Variants in MAP3K4 observed in about 807,000 individuals in gnomAD.
MAP3K4 encodes MAP three kinase 1.
Under a neutral mutation model 185.6 loss-of-function variants are expected in MAP3K4, and 67 were observed. The ratio of observed to expected loss-of-function variants is 0.36; its 90% CI spans 0.30 to 0.44. The LOEUF (loss-of-function observed/expected upper bound fraction) is 0.44. Among genes scored for constraint, MAP3K4 ranks in the 20% least tolerant of loss-of-function variants. The pLI, the probability that MAP3K4 is intolerant of heterozygous loss-of-function variation, is 1.00. For synonymous variants in MAP3K4, 702 were observed against 710.4 expected (o/e 0.99, Z 0.19); for missense variants, 1,551 against 1,995.1 (o/e 0.78, Z 4.24).
chr6:161,026,193 C>G (rs13206391), intron 1 of MAP3K4, among the ~76,000 whole-genome samples: 20 of 151,942 alleles, frequency 1.3e-4, no homozygotes, highest in African/African-American at 4.8e-4. Flanking sequence ...TGCAGTGGCG[C>G]GATCTCGGCT....
chr6:161,098,535 T>A lies in MAP3K4; in HGVS notation c.3674+108T>A. ...CGGCTGTGGTTGGGCTTCTTTGCTG[T>A]GGCGTGTGAGTGATGCTCTAGGGCC... On this transcript the variant is annotated intron_variant, in intron 17 of 26. Coordinates refer to ENST00000392142, the MANE Select transcript of MAP3K4 (RefSeq NM_005922.4). This position sits in a 1 kb window ranked among gnomAD's most constrained non-coding sequence, Gnocchi z 4.4. 7.3e-7 allele frequency: 1 copy of A among 1,378,500 alleles called. No homozygotes were observed. Among genetic ancestry groups the A allele is most frequent in the Non-Finnish European group, 9.8e-7 (1 of 1,025,182 alleles). The allele number at this position is 1,378,500 out of a possible 1,614,324, so 85.4% of individuals were successfully genotyped here. A position where few individuals can be genotyped will look rare whatever the true frequency, so the allele number is the denominator to read the frequency against.
intron 19 of MAP3K4, among the ~76,000 whole-genome samples, chr6:161,104,875 T>C (rs1777997295): frequency 6.6e-6 from 1 of 152,196 alleles, no homozygotes; most frequent in Admixed American, 6.5e-5. Flanking sequence ...ATCCGTATTT[T>C]AAATAAATGA....
At position 161,008,858 on chromosome 6, in the gene MAP3K4, G is replaced by T. The variant is rs1037494384; in HGVS notation, c.152+16775G>T. ...ATCTATGTTGTTTTGGTTGATGGTG[G>T]TTCTTTCATTCTTGCTACTGTAAAA... On this transcript the variant is annotated intron_variant, in intron 1 of 26. Transcript: ENST00000392142. The surrounding 1 kb of genome is among the most constrained non-coding windows in gnomAD (Gnocchi z 4.1). Among the ~76,000 whole-genome samples, 2 of 151,938 alleles carry T rather than the reference G, an allele frequency of 1.3e-5. No homozygotes were observed. The highest frequency in any genetic ancestry group is 2.9e-5 in the Non-Finnish European group (2 of 68,004).
At position 161,070,681 on chromosome 6, in the gene MAP3K4, A is replaced by G. The variant is rs763889174; in HGVS notation, c.1781A>G (p.Glu594Gly). 2 of 1,614,098 alleles carry G rather than the reference A, an allele frequency of 1.2e-6. No individual in the cohort carries two copies. Among genetic ancestry groups the G allele is most frequent in the Non-Finnish European group, 1.7e-6 (2 of 1,180,014 alleles). The change falls in exon 4 of 27, where the codon GAG (glutamate) becomes GGG (glycine). Residue 594 changes from glutamate to glycine, a missense_variant. This residue lies in a region of MAP3K4 where 86 missense variants were observed against 81.6 expected (regional missense o/e 1.05). Coordinates refer to ENST00000392142, the MANE Select transcript of MAP3K4 (RefSeq NM_005922.4). This position sits in a 1 kb window ranked among gnomAD's most constrained non-coding sequence, Gnocchi z 4.5. ...TCAAGGACACCACCTTCATCTGAGGAGAAATGCAGTGCTGTGTCGTGGGAG... is the reference window on the plus strand; with the variant it reads ...TCAAGGACACCACCTTCATCTGAGGGGAAATGCAGTGCTGTGTCGTGGGAG... The part of the protein sequence containing the change: ...QLSRTPPSSE[E>G]KCSAVSWEEL...
chr6:161,021,763 C>G (rs896076354), intron 1 of MAP3K4, among the ~76,000 whole-genome samples: 2 of 152,196 alleles, frequency 1.3e-5, no homozygotes, highest in African/African-American at 4.8e-5. Flanking sequence ...CTACTCCTAG[C>G]ACACCTCTTG....
rs1290424993 is a variant in MAP3K4, at chr6:161,008,896, C to G, written c.152+16813C>G. 6.6e-6 allele frequency among the ~76,000 whole-genome samples: 1 copy of G among 151,778 alleles called. No homozygotes were observed. Among genetic ancestry groups the G allele is most frequent in the African/African-American group, 2.4e-5 (1 of 41,290 alleles). On this transcript the variant is annotated intron_variant, in intron 1 of 26. Coordinates refer to ENST00000392142, the MANE Select transcript of MAP3K4 (RefSeq NM_005922.4). This position sits in a 1 kb window ranked among gnomAD's most constrained non-coding sequence, Gnocchi z 4.1. The stretch of plus-strand genomic sequence containing the variant: ...TGCTACTGTAAAATACTTGTTACTG[C>G]AAAATGTGTAACATTTTGCTCAATG...
chr6:161,024,085 C>T (rs981942433), intron 1 of MAP3K4, among the ~76,000 whole-genome samples: 4 of 152,086 alleles, frequency 2.6e-5, no homozygotes, highest in Admixed American at 2.0e-4. Flanking sequence ...TCTTGCTTCA[C>T]CCTCCTGAGT....
Position 161,108,639 on chromosome 6 carries a change from T to C in MAP3K4, c.4120-104T>C, listed in dbSNP as rs1778212947. ...TTTGTTGTTTTTAATTGACAAATCATGATTACATATATTTATGGGGTGCAA... is the reference window on the plus strand; with the variant it reads ...TTTGTTGTTTTTAATTGACAAATCACGATTACATATATTTATGGGGTGCAA... On this transcript the variant is annotated intron_variant, in intron 21 of 26. Transcript: ENST00000392142. The surrounding 1 kb of genome is among the most constrained non-coding windows in gnomAD (Gnocchi z 5.7). The C allele has an allele frequency of 4.1e-6, 3 of 725,676 alleles. No individual in the cohort carries two copies. The South Asian group carries it at 5.1e-5, about 12-fold the overall frequency. 45.0% of individuals were successfully genotyped at this position (725,676 alleles called of 1,614,324 possible).
At chr6:161,027,485 G>A (rs984271796) in intron 1 of MAP3K4, among the ~76,000 whole-genome samples, 1 of 152,146 alleles carries the variant, frequency 6.6e-6, no homozygotes, top group Non-Finnish European at 1.5e-5. Context: ...GAAAGCTTAG[G>A]AAGAAAAATC....
At position 161,080,644 on chromosome 6, in the gene MAP3K4, G is replaced by A. The variant is rs1346766571; in HGVS notation, c.2098-237G>A. ...TGAACATTTTTGTTGTTAGGATTTT[G>A]AAGGGGTTGTCAATAATATGTTAAA... On this transcript the variant is annotated intron_variant, in intron 5 of 26. Transcript: ENST00000392142. The surrounding 1 kb of genome is among the most constrained non-coding windows in gnomAD (Gnocchi z 4.8). 2.2e-6 allele frequency: 1 copy of A among 450,616 alleles called. No homozygotes were observed. Among genetic ancestry groups the A allele is most frequent in the African/African-American group, 2.0e-5 (1 of 49,792 alleles). The allele number at this position is 450,616 out of a possible 1,614,324, so 27.9% of individuals were successfully genotyped here.
rs1367824310 is a variant in MAP3K4 at position 161,087,946 on chromosome 6, A to G, written c.2815A>G (p.Ser939Gly). 6.2e-7 allele frequency: 1 copy of G among 1,612,654 alleles called. No homozygotes were observed. Among genetic ancestry groups the G allele is most frequent in the Non-Finnish European group, 8.5e-7 (1 of 1,179,614 alleles). The stretch of plus-strand genomic sequence containing the variant: ...GGTGGAGACTGTTGACACCCTGAGA[A>G]GCATGCAGGTACAGCTCATCTCCAT... ...PQVETVDTLR[S>G]MQVDNLLLVV... is the part of the protein sequence containing the mutation. The change falls in exon 10 of 27, where the codon AGC becomes GGC. Residue 939 changes from serine to glycine, a missense_variant. Physicochemically the swap from Ser to Gly is moderately conservative, Grantham distance 56. Around this residue, in one of 16 missense-constraint regions of MAP3K4, gnomAD observed 261 missense variants for 306.5 expected, o/e 0.85. Coordinates refer to ENST00000392142, the MANE Select transcript of MAP3K4 (RefSeq NM_005922.4). The surrounding 1 kb of genome is among the most constrained non-coding windows in gnomAD (Gnocchi z 4.9).
chr6:161,000,541 A>G (rs1215689510), intron 1 of MAP3K4, among the ~76,000 whole-genome samples: 4 of 152,216 alleles, frequency 2.6e-5, no homozygotes, highest in African/African-American at 4.8e-5. Flanking sequence ...TTTAAAATCT[A>G]GGATTAATTT....
rs575741804 is a variant in MAP3K4 at position 161,048,348 on chromosome 6, A to T, written c.344-268A>T. ...TTGATAACTATGCTTTGTAGCATAG[A>T]GAGAAATAAACAGCTAGTTTAGGTA... is the stretch of plus-strand genomic sequence containing the variant. On this transcript the variant is annotated intron_variant, in intron 2 of 26. Transcript: ENST00000392142. The surrounding 1 kb of genome is among the most constrained non-coding windows in gnomAD (Gnocchi z 4.7). 7.6e-4 allele frequency: 482 copies of T among 635,696 alleles called. No individual in the cohort carries two copies. Among genetic ancestry groups the T allele is most frequent in the Middle Eastern group, 1.3e-3 (5 of 3,736 alleles). 39.4% of individuals were successfully genotyped at this position (635,696 alleles called of 1,614,324 possible).
Position 161,034,498 on chromosome 6 carries a change from G to T in MAP3K4, c.343+49G>T. 2 of 1,393,544 alleles carry T rather than the reference G, an allele frequency of 1.4e-6. No homozygotes were observed. Among genetic ancestry groups the T allele is most frequent in the Non-Finnish European group, 2.0e-6 (2 of 1,014,100 alleles). The allele number at this position is 1,393,544 out of a possible 1,614,324, so 86.3% of individuals were successfully genotyped here. ...GTGTACATGAGAGGGTATGGCACTTGATTGATTCTTTCAACAATAAAGTTA... is the reference window on the plus strand; with the variant it reads ...GTGTACATGAGAGGGTATGGCACTTTATTGATTCTTTCAACAATAAAGTTA... On this transcript the variant is annotated intron_variant, in intron 2 of 26. Transcript: ENST00000392142. The surrounding 1 kb of genome is among the most constrained non-coding windows in gnomAD (Gnocchi z 4.4).
chr6:161,102,865 AT>A, intron 19 of MAP3K4, 86 bp downstream of exon 19: 1 of 870,334 alleles, frequency 1.1e-6, no homozygotes, highest in Non-Finnish European at 1.7e-6. Flanking sequence ...GTAAAACTTG[AT>A]TTAGCTTCTG....
intron 1 of MAP3K4, among the ~76,000 whole-genome samples, chr6:161,030,092 G>C (rs1782855923): frequency 6.6e-6 from 1 of 152,094 alleles, no homozygotes; most frequent in Admixed American, 6.5e-5. Context: ...GTTTTCTCCA[G>C]ATTTGAAAAA....
chr6:161,081,916 A>C (rs879637804), intron 6 of MAP3K4, among the ~76,000 whole-genome samples: 2 of 151,988 alleles, frequency 1.3e-5, no homozygotes, highest in African/African-American at 4.8e-5. Flanking sequence ...CCTAGACCCC[A>C]TTGCATTTTG....
intron 23 of MAP3K4, 86 bp from the exon 24 acceptor site, chr6:161,111,750 G>T (rs1311587211): frequency 1.6e-6 from 2 of 1,283,922 alleles, no homozygotes; most frequent in African/African-American, 1.5e-5. Flanking sequence ...GCTTGTGAAT[G>T]AAGTTCCTGG....
chr6:161,044,203 G>A (rs1783615914), intron 2 of MAP3K4, among the ~76,000 whole-genome samples: 1 of 152,162 alleles, frequency 6.6e-6, no homozygotes, highest in Non-Finnish European at 1.5e-5. Context: ...ATAGTCACTT[G>A]GGAGATCAGG....
Sources: allele counts gnomAD v4.1 joint callset (sites outside exome capture counted in the v4.1 genomes callset), GRCh38; gene constraint gnomAD v4.1.1; regional missense constraint gnomAD v4.1.1; non-coding constraint Gnocchi (gnomAD v3.1); transcripts MANE v1.5; gene names NCBI Gene and HGNC (gene_info 2026-07-23, HGNC 2026-07-21).